LRRC4C: variants seen among roughly 807,000 people sequenced by gnomAD.
LRRC4C encodes the protein leucine rich repeat containing 4C.
Under a neutral mutation model 33.6 loss-of-function variants are expected in LRRC4C, and 5 were observed. The ratio of observed to expected loss-of-function variants is 0.15; its 90% CI spans 0.08 to 0.31. The LOEUF is 0.31. LRRC4C is among the 10% of genes least tolerant of loss of function. The pLI is 1.00. For missense variants in LRRC4C, 560 were observed against 796.7 expected, an observed-to-expected ratio of 0.70 and a Z score of 3.58; for synonymous variants, 329 against 302.0, an observed-to-expected ratio of 1.09 and a Z score of -0.93.
intron 1 of LRRC4C, among the ~76,000 whole-genome samples, chr11:41,307,394 C>G (rs1194416791): frequency 1.3e-5 from 2 of 152,130 alleles, no homozygotes; most frequent in Admixed American, 1.3e-4. Context: ...AGAAGTCAAG[C>G]CCCAGGGACC....
intron 5 of LRRC4C, among the ~76,000 whole-genome samples, chr11:40,192,022 A>T (rs529290295): frequency 2.0e-5 from 3 of 152,192 alleles, no homozygotes; most frequent in Non-Finnish European, 4.4e-5. Context: ...TTCATATTTG[A>T]ATATGAGTTA....
At chr11:41,321,050 GCTT>G (rs1213301449) in intron 1 of LRRC4C, among the ~76,000 whole-genome samples, 1 of 152,088 alleles carries the variant, frequency 6.6e-6, no homozygotes, top group Non-Finnish European at 1.5e-5. Context: ...AGATTTCCCT[GCTT>G]CTTCTTCTGC....
At chr11:41,127,222 T>A (rs1036589413) in intron 1 of LRRC4C, among the ~76,000 whole-genome samples, 1 of 151,554 alleles carries the variant, frequency 6.6e-6, no homozygotes, top group Admixed American at 6.6e-5. Context: ...GCAAAGCTCA[T>A]CTGAATAAAT....
chr11:40,696,099 A>G (rs1310342230), intron 2 of LRRC4C, among the ~76,000 whole-genome samples: 4 of 146,760 alleles, frequency 2.7e-5, no homozygotes, highest in South Asian at 4.2e-4. Context: ...GTGTGTGTAT[A>G]TATATATATA....
chr11:41,218,781 T>TG (rs1947174324), intron 1 of LRRC4C, among the ~76,000 whole-genome samples: 1 of 147,894 alleles, frequency 6.8e-6, no homozygotes, highest in Admixed American at 6.8e-5. Flanking sequence ...TTTTTTTTTT[T>TG]TTTTGAGACG....
rs1264663043 is a variant in LRRC4C, at chr11:41,301,820, A to C, written c.-496+157611T>G. Among the ~76,000 whole-genome samples, 6 of 152,100 alleles carry C rather than the reference A, an allele frequency of 3.9e-5. No individual in the cohort carries two copies. The East Asian group carries it at 1.2e-3, about 29-fold the overall frequency. On this transcript the variant is annotated intron_variant, in intron 1 of 6. Coordinates refer to ENST00000528697, the MANE Select transcript of LRRC4C (RefSeq NM_001258419.2). ...TTTGGTTATTTTAAGCTTACAGAAA[A>C]TTTGCAAGATAAGAACGATAAACTG...
chr11:40,213,372 G>A (rs1215284534), intron 5 of LRRC4C, among the ~76,000 whole-genome samples: 1 of 152,156 alleles, frequency 6.6e-6, no homozygotes, highest in African/African-American at 2.4e-5. Context: ...GATATGTTGT[G>A]TGACCATCAC....
intron 2 of LRRC4C, among the ~76,000 whole-genome samples, chr11:40,894,797 C>T (rs1955864882): frequency 6.6e-6 from 1 of 152,112 alleles, no homozygotes. Flanking sequence ...AGGCCTGGAA[C>T]CACTTTAATT....
intron 1 of LRRC4C, among the ~76,000 whole-genome samples, chr11:40,985,014 G>C (rs951475574): frequency 6.9e-6 from 1 of 143,894 alleles, no homozygotes; most frequent in African/African-American, 2.6e-5. Context: ...CGATTCTCCT[G>C]CCTCAGCCTC....
intron 2 of LRRC4C, among the ~76,000 whole-genome samples, chr11:40,800,385 G>C (rs990250070): frequency 6.6e-6 from 1 of 152,140 alleles, no homozygotes; most frequent in African/African-American, 2.4e-5. Context: ...ATTCAATGGT[G>C]GCCATGGATG....
At chr11:40,249,423 C>T (rs1866601920) in intron 4 of LRRC4C, among the ~76,000 whole-genome samples, 1 of 151,922 alleles carries the variant, frequency 6.6e-6, no homozygotes, top group Admixed American at 6.6e-5. Context: ...TTATAAAATT[C>T]ACTGAATTCA....
At chr11:40,992,288 T>G (rs61887611) in intron 1 of LRRC4C, among the ~76,000 whole-genome samples, 4,231 of 152,262 alleles carry the variant, frequency 0.028, 58 homozygotes, top group Middle Eastern at 0.044. Context: ...TAAATTTTAT[T>G]GAAAATAAGT....
intron 6 of LRRC4C, among the ~76,000 whole-genome samples, chr11:40,120,306 A>C (rs1238236960): frequency 6.6e-6 from 1 of 152,212 alleles, no homozygotes; most frequent in Non-Finnish European, 1.5e-5. Flanking sequence ...TCATGACAAC[A>C]ATGTGGTTGG....
chr11:40,952,855 C>G (rs1052070262), intron 1 of LRRC4C, among the ~76,000 whole-genome samples: 1 of 94,362 alleles, frequency 1.1e-5, no homozygotes, highest in African/African-American at 4.6e-5. Flanking sequence ...TCCAAACACA[C>G]ACACACACAC....
rs770303868 is a variant in LRRC4C, at chr11:41,005,003, TATA to T, written c.-495-71283_-495-71281del. 2.7e-3 allele frequency among the ~76,000 whole-genome samples: 408 copies of T among 151,846 alleles called. 1 individual carries two copies. Among genetic ancestry groups the T allele is most frequent in the African/African-American group, 8.5e-3 (352 of 41,416 alleles). ...TTTTTATAACTTTCATTATTATTAT[TATA>T]ATTATTACAGAATTCAGGATTCTAT... On this transcript the variant is annotated intron_variant, in intron 1 of 6. Coordinates refer to ENST00000528697, the MANE Select transcript of LRRC4C (RefSeq NM_001258419.2).
intron 3 of LRRC4C, among the ~76,000 whole-genome samples, chr11:40,500,598 G>C (rs1211142892): frequency 6.6e-6 from 1 of 151,818 alleles, no homozygotes; most frequent in Non-Finnish European, 1.5e-5. Context: ...TGAAACCCCT[G>C]ATAAAACCAT....
intron 2 of LRRC4C, among the ~76,000 whole-genome samples, chr11:40,836,865 T>C (rs1952695944): frequency 6.6e-6 from 1 of 152,168 alleles, no homozygotes; most frequent in Non-Finnish European, 1.5e-5. Flanking sequence ...TATTACCTCA[T>C]CCACCATTAT....
chr11:40,486,068 A>C (rs2138455792), intron 3 of LRRC4C, among the ~76,000 whole-genome samples: 1 of 151,894 alleles, frequency 6.6e-6, no homozygotes, highest in African/African-American at 2.4e-5. Context: ...CTGGAAGATG[A>C]AATAATCTAT....
chr11:40,646,838 C>T (rs1328731703), intron 3 of LRRC4C, among the ~76,000 whole-genome samples: 1 of 152,174 alleles, frequency 6.6e-6, no homozygotes, highest in Non-Finnish European at 1.5e-5. Context: ...GATCTCCTGA[C>T]CTCATGATCC....
Sources: gnomAD v4.1 joint callset for allele counts (sites outside exome capture counted in the v4.1 genomes callset) on GRCh38, gnomAD v4.1.1 for gene constraint, MANE v1.5 for transcripts, NCBI Gene and HGNC (gene_info 2026-07-23, HGNC 2026-07-21) for gene names.